Variants in KCTD10 observed in about 807,000 individuals in gnomAD.
KCTD10 encodes the protein potassium channel tetramerization domain containing 10.
In KCTD10, 13 loss-of-function variants were observed where a neutral mutation model predicts 34.6. The ratio of observed to expected loss-of-function variants is 0.38; its 90% confidence interval spans 0.24 to 0.60. KCTD10 has a LOEUF of 0.60. Among genes scored for constraint, KCTD10 ranks in the 20% least tolerant of loss-of-function variants. The probability of loss-of-function intolerance (pLI) is 0.66; values close to 1 mark genes in which losing one functional copy is unlikely to be tolerated. For missense variants in KCTD10, 256 were observed against 420.3 expected, an observed-to-expected ratio of 0.61 and a Z score of 3.42; for synonymous variants, 156 against 168.8, an observed-to-expected ratio of 0.92 and a Z score of 0.59.
chr12:109,455,934 C>T (rs974552136), intron 6 of KCTD10, among the ~76,000 whole-genome samples, 184 bp downstream of exon 6: 2 of 152,136 alleles, frequency 1.3e-5, no homozygotes, highest in Non-Finnish European at 2.9e-5. Flanking sequence ...TAAAGGAATG[C>T]CAGATGAACC....
rs560431537 is a variant in KCTD10, at chr12:109,452,854, T to A, written c.724-1041A>T. On this transcript the variant is annotated intron_variant, in intron 6 of 6. Transcript: ENST00000228495. ...ATCCTGGTTTTCTTTCCTTTTTTTT[T>A]AAAAGATATGGGATCTGGCTAATTA... 1.1e-4 allele frequency among the ~76,000 whole-genome samples: 16 copies of A among 151,250 alleles called. 1 individual carries two copies. Among genetic ancestry groups the A allele is most frequent in the East Asian group, 1.9e-4 (1 of 5,178 alleles).
At chr12:109,457,968 TC>T in intron 4 of KCTD10, 23 bp downstream of exon 4, 1 of 1,574,992 alleles carries the variant, frequency 6.3e-7, no homozygotes, top group South Asian at 1.1e-5. Flanking sequence ...CAAAAGAAAT[TC>T]CACAAGGGTG....
Position 109,460,638 on chromosome 12 carries a change from G to A in KCTD10, c.385C>T (p.Gln129Ter). 1 of 1,613,270 alleles carries A rather than the reference G, an allele frequency of 6.2e-7. No homozygotes were observed. The highest frequency in any genetic ancestry group is 8.5e-7 in the Non-Finnish European group (1 of 1,179,402). Residue 129 changes from glutamine (Q) to a stop codon, truncating the protein, a stop_gained and splice_region_variant, in exon 3 of 7, where the codon CAA becomes TAA. Transcript: ENST00000228495. LOFTEE classifies it high-confidence loss of function. The surrounding 1 kb of genome is among the most constrained non-coding windows in gnomAD (Gnocchi z 4.5). ...TGGGAAGAAAGGGTGATGCCTACTT[G>A]TAGGGCCGCCTGGCACTCTTCCACC... is the stretch of plus-strand genomic sequence containing the variant. ...GLVEECQAALQNKDTYEPFCK... is the reference protein window; with the variant it reads ...GLVEECQAAL
Position 109,453,658 on chromosome 12 carries a change from G to A in KCTD10, c.724-1845C>T, listed in dbSNP as rs553991206. 5.3e-5 allele frequency among the ~76,000 whole-genome samples: 8 copies of A among 152,222 alleles called. No individual in the cohort carries two copies. In the East Asian group the frequency reaches 1.4e-3, roughly 26 times the overall value. Reference sequence around the variant, plus strand: ...TGCTTTTTCTATCTTCATGCTCCTGGGCCCAAAATACAGGCATGGTTACAG... The same window carrying A: ...TGCTTTTTCTATCTTCATGCTCCTGAGCCCAAAATACAGGCATGGTTACAG... On this transcript the variant is annotated intron_variant, in intron 6 of 6. Coordinates refer to ENST00000228495, the MANE Select transcript of KCTD10 (RefSeq NM_031954.5).
chr12:109,457,799 G>T, intron 4 of KCTD10, 117 bp from the exon 5 acceptor site: 1 of 1,188,090 alleles, frequency 8.4e-7, no homozygotes, highest in Non-Finnish European at 1.3e-6. Flanking sequence ...GACAAGCATA[G>T]CTTGCTGGCT....
rs774019754 is a variant in KCTD10 at position 109,451,973 on chromosome 12, T to C, written c.724-160A>G. ...AAACTGATATTTTCAATGGCAACACTTACATGTGGTGCTAAATGCACAGAA... is the reference window on the plus strand; with the variant it reads ...AAACTGATATTTTCAATGGCAACACCTACATGTGGTGCTAAATGCACAGAA... On this transcript the variant is annotated intron_variant, in intron 6 of 6. Transcript: ENST00000228495. This position sits in a 1 kb window ranked among gnomAD's most constrained non-coding sequence, Gnocchi z 5.0. 5.9e-5 allele frequency among the ~76,000 whole-genome samples: 9 copies of C among 152,294 alleles called. No homozygotes were observed. Among genetic ancestry groups the C allele is most frequent in the Non-Finnish European group, 8.8e-5 (6 of 68,016 alleles).
At position 109,460,040 on chromosome 12, in the gene KCTD10, G is replaced by C. The variant is rs1873231676; in HGVS notation, c.387+596C>G. ...TGGGTACTGGTCCGGTGCGGGGCCA[G>C]ACACAGACATGTGGTGTGGGGGAGG... On this transcript the variant is annotated intron_variant, in intron 3 of 6. Coordinates refer to ENST00000228495, the MANE Select transcript of KCTD10 (RefSeq NM_031954.5). This position sits in a 1 kb window ranked among gnomAD's most constrained non-coding sequence, Gnocchi z 4.5. Among the ~76,000 whole-genome samples the C allele has an allele frequency of 6.6e-6, 1 of 152,238 alleles. No individual in the cohort carries two copies. The highest frequency in any genetic ancestry group is 2.4e-5 in the African/African-American group (1 of 41,452).
chr12:109,474,957 C>T (rs143935809), intron 1 of KCTD10, among the ~76,000 whole-genome samples: 2 of 152,274 alleles, frequency 1.3e-5, no homozygotes, highest in African/African-American at 2.4e-5. Flanking sequence ...GGATTGCAAT[C>T]CAGTTCCACC....
At position 109,457,701 on chromosome 12, in the gene KCTD10, G is replaced by T. The variant is rs758151959; in HGVS notation, c.475-19C>A. 1.9e-6 allele frequency: 3 copies of T among 1,610,836 alleles called. No individual in the cohort carries two copies. In the South Asian group the frequency reaches 3.3e-5, roughly 18 times the overall value. On this transcript the variant is annotated intron_variant, in intron 4 of 6. Coordinates refer to ENST00000228495, the MANE Select transcript of KCTD10 (RefSeq NM_031954.5). The stretch of plus-strand genomic sequence containing the variant: ...CGGCTGGCTGTGGGTTGTTTTAAAA[G>T]AAGAAGAAGAGAGTTACTTGGCAGG...
At chr12:109,475,992 G>T (rs569451187) in intron 1 of KCTD10, among the ~76,000 whole-genome samples, 1 of 152,140 alleles carries the variant, frequency 6.6e-6, no homozygotes, top group Admixed American at 6.5e-5. Context: ...CCACTTTTTT[G>T]GGGAGAAAAC....
chr12:109,469,832 T>C (rs926796688), intron 1 of KCTD10, 104 bp from the exon 2 acceptor site: 8 of 1,501,496 alleles, frequency 5.3e-6, no homozygotes, highest in African/African-American at 4.2e-5. Flanking sequence ...GGGCCACGCA[T>C]ACACAGCATT....
chr12:109,450,164 T>A lies in KCTD10; in HGVS notation c.*1431A>T, dbSNP rs367786966. 5.5e-5 allele frequency: 22 copies of A among 398,394 alleles called. No homozygotes were observed. The highest frequency in any genetic ancestry group is 4.5e-4 in the African/African-American group (22 of 48,756). 24.7% of individuals were successfully genotyped at this position (398,394 alleles called of 1,614,324 possible). ...TTGGTATAAAACGGTAACGATTCCC[T>A]TGACAAACCCATCCATCACCTGACG... On this transcript the variant is annotated 3_prime_UTR_variant, in exon 7 of 7. Coordinates refer to ENST00000228495, the MANE Select transcript of KCTD10 (RefSeq NM_031954.5).
intron 2 of KCTD10, among the ~76,000 whole-genome samples, chr12:109,466,120 C>T (rs565105222): frequency 6.6e-6 from 1 of 152,218 alleles, no homozygotes; most frequent in South Asian, 2.1e-4. Context: ...TGCTCACTGC[C>T]ACAGTGTCCT....
chr12:109,465,299 A>T (rs1407883181), intron 2 of KCTD10, among the ~76,000 whole-genome samples: 1 of 152,222 alleles, frequency 6.6e-6, no homozygotes, highest in Non-Finnish European at 1.5e-5. Flanking sequence ...ATGCTACGTA[A>T]GCAAAAGCAA....
intron 2 of KCTD10, among the ~76,000 whole-genome samples, chr12:109,463,224 T>C (rs924711259): frequency 5.3e-5 from 8 of 152,182 alleles, no homozygotes; most frequent in African/African-American, 1.9e-4. Flanking sequence ...CCCAGGGCCC[T>C]GAAATCAATT....
At chr12:109,469,031 T>C (rs1325569838) in intron 2 of KCTD10, 3 of 156,224 alleles carry the variant, frequency 1.9e-5, no homozygotes, top group African/African-American at 7.2e-5. Context: ...TATCTATCTA[T>C]CTACACACAC....
intron 2 of KCTD10, among the ~76,000 whole-genome samples, chr12:109,461,109 G>A (rs963673893): frequency 2.3e-4 from 35 of 152,340 alleles, no homozygotes; most frequent in Admixed American, 1.7e-3. Context: ...CTTACACAAG[G>A]ACATCCAACA....
Position 109,467,060 on chromosome 12 carries a change from G to A in KCTD10, c.217+2455C>T, listed in dbSNP as rs538444339. 2.8e-4 allele frequency among the ~76,000 whole-genome samples: 42 copies of A among 152,328 alleles called. No homozygotes were observed. The East Asian group carries it at 4.1e-3, about 15-fold the overall frequency. On this transcript the variant is annotated intron_variant, in intron 2 of 6. Transcript: ENST00000228495. ...CCAGCCTACCAGCCCAGGCCTTCACGAGGGCCCCCACCAGAGGGCTTTAGC... is the reference window on the plus strand; with the variant it reads ...CCAGCCTACCAGCCCAGGCCTTCACAAGGGCCCCCACCAGAGGGCTTTAGC...
Position 109,450,540 on chromosome 12 carries a change from T to C in KCTD10, c.*1055A>G, listed in dbSNP as rs755544851. 5.0e-6 allele frequency: 2 copies of C among 396,062 alleles called. No homozygotes were observed. The highest frequency in any genetic ancestry group is 3.6e-5 in the East Asian group (1 of 27,992). The allele number at this position is 396,062 out of a possible 1,614,324, so 24.5% of individuals were successfully genotyped here. On this transcript the variant is annotated 3_prime_UTR_variant, in exon 7 of 7. Transcript: ENST00000228495. ...GCAAAGACAAGGGGGTCTGTGTTTA[T>C]AGCAGGGAAGCTCCCTGGGGCTGGT...
Sources: allele counts gnomAD v4.1 joint callset (sites outside exome capture counted in the v4.1 genomes callset), GRCh38; gene constraint gnomAD v4.1.1; non-coding constraint Gnocchi (gnomAD v3.1); transcripts MANE v1.5; gene names NCBI Gene and HGNC (gene_info 2026-07-23, HGNC 2026-07-21).